The following TNC variants were observed in gnomAD, a reference collection of about 807,000 sequenced individuals.
TNC encodes the protein tenascin.
Under a neutral mutation model 202.4 loss-of-function variants are expected in TNC, and 109 were observed. The observed-to-expected ratio is 0.54, with a 90% CI of 0.46 to 0.63. The LOEUF (loss-of-function observed/expected upper bound fraction) is 0.63, where lower values mean the gene tolerates loss of function less well. Among genes scored for constraint, TNC ranks in the 30% least tolerant of loss-of-function variants. The pLI, the probability that TNC is intolerant of heterozygous loss-of-function variation, is 0.00. For missense variants in TNC, 2,756 were observed against 2,833.3 expected, an observed-to-expected ratio of 0.97 and a Z score of 0.62; for synonymous variants, 1,007 against 1,089.7, an observed-to-expected ratio of 0.92 and a Z score of 1.50.
rs762446121 is a variant in TNC, at chr9:115,087,047, C to G, written c.684G>C (p.Gln228His). 6 of 1,613,552 alleles carry G rather than the reference C, an allele frequency of 3.7e-6. No homozygotes were observed. Among genetic ancestry groups the G allele is most frequent in the Non-Finnish European group, 5.1e-6 (6 of 1,179,534 alleles). Residue 228 changes from glutamine (Q) to histidine (H), a missense_variant, in exon 3 of 28, where the codon CAG becomes CAC. Transcript: ENST00000350763. ...TGCAGACTCCATTTACGCACTTGCC[C>G]TGGTCATTGCAGTCGCTGGGGCAAG... ...QLACPSDCND[Q>H]GKCVNGVCIC...
intron 27 of TNC, 135 bp from the exon 28 acceptor site, chr9:115,021,402 G>C: frequency 1.6e-6 from 1 of 631,804 alleles, no homozygotes. Context: ...TTGACCATTT[G>C]GTATATCACA....
intron 10 of TNC, among the ~76,000 whole-genome samples, chr9:115,067,770 G>C (rs528884611): frequency 1.7e-4 from 26 of 150,940 alleles, no homozygotes; most frequent in African/African-American, 6.3e-4. Context: ...ATGTCATGTT[G>C]TTCAGTAAAT....
chr9:115,077,963 G>A lies in TNC; in HGVS notation c.2654C>T (p.Ala885Val). Residue 885 changes from alanine to valine, a missense_variant, in exon 7 of 28, where the codon GCC (alanine) becomes GTC (valine). Transcript: ENST00000350763. ...TTTACCTGTTGTGAAGGTCTCTTTG[G>A]CTGGGTTGCTTGACATGTCACCTCT... ...SRRGDMSSNP[A>V]KETFTTGLDA... 3 of 1,614,112 alleles carry A rather than the reference G, an allele frequency of 1.9e-6. No individual in the cohort carries two copies. Among genetic ancestry groups the A allele is most frequent in the Non-Finnish European group, 2.5e-6 (3 of 1,180,008 alleles).
intron 7 of TNC, among the ~76,000 whole-genome samples, chr9:115,077,392 C>T (rs1446518989): frequency 6.6e-6 from 1 of 152,090 alleles, no homozygotes; most frequent in African/African-American, 2.4e-5. Flanking sequence ...AGGGTTTTGC[C>T]ATGTTGGCCA....
Position 115,020,810 on chromosome 9 carries a change from G to T in TNC, c.*347C>A. 1 of 277,192 alleles carries T rather than the reference G, an allele frequency of 3.6e-6. No individual in the cohort carries two copies. Among genetic ancestry groups the T allele is most frequent in the Non-Finnish European group, 7.0e-6 (1 of 142,952 alleles). The allele number at this position is 277,192 out of a possible 1,614,324, so 17.2% of individuals were successfully genotyped here. ...AATTATACAGCTTCATGTAAAATAC[G>T]GCTGGTTCTAAAACAAACTACCCCT... On this transcript the variant is annotated 3_prime_UTR_variant, in exon 28 of 28. Coordinates refer to ENST00000350763, the MANE Select transcript of TNC (RefSeq NM_002160.4).
At chr9:115,040,835 G>A in intron 19 of TNC, 106 bp downstream of exon 19, 1 of 1,391,170 alleles carries the variant, frequency 7.2e-7, no homozygotes, top group Non-Finnish European at 9.6e-7. Flanking sequence ...TTTTCCAGCT[G>A]CTGAGTCATG....
intron 17 of TNC, among the ~76,000 whole-genome samples, chr9:115,043,263 C>T (rs892310390): frequency 6.6e-6 from 1 of 152,112 alleles, no homozygotes; most frequent in Non-Finnish European, 1.5e-5. Context: ...CACAGAAATT[C>T]AGCAAGGGTT....
chr9:115,090,585 C>A lies in TNC; in HGVS notation c.434G>T (p.Gly145Val), dbSNP rs141336913. Reference protein sequence around the residue: ...SLREQCTAGAGCCLQPATGRL... With the variant: ...SLREQCTAGAVCCLQPATGRL... ...ACCTGTGGCAGGCTGGAGACAGCAG[C>A]CTGCTCCTGCAGTACATTGCTCCCT... Residue 145 changes from glycine to valine, a missense_variant, in exon 2 of 28, where the codon GGC becomes GTC. Around this residue, in one of 2 missense-constraint regions of TNC, gnomAD observed 2,559 missense variants for 2,546.0 expected, o/e 1.01. Coordinates refer to ENST00000350763, the MANE Select transcript of TNC (RefSeq NM_002160.4). 3.5e-4 allele frequency: 550 copies of A among 1,581,202 alleles called. 1 individual carries two copies. The African/African-American group carries it at 6.4e-3, about 19-fold the overall frequency.
intron 17 of TNC, among the ~76,000 whole-genome samples, chr9:115,045,541 A>ATTTTTTTTT (rs61415443): frequency 6.4e-5 from 7 of 110,114 alleles, no homozygotes; most frequent in Non-Finnish European, 9.1e-5. Flanking sequence ...TAAGTTTTTG[A>ATTTTTTTTT]TTTTTTTTTT....
At position 115,040,901 on chromosome 9, in the gene TNC, A is replaced by G. The variant is rs757867552; in HGVS notation, c.5392+40T>C. Reference sequence around the variant, plus strand: ...AGGATGCACAAGTGACCTCTGAAAAATAGTAACACACACACACACACACAA... The same window carrying G: ...AGGATGCACAAGTGACCTCTGAAAAGTAGTAACACACACACACACACACAA... On this transcript the variant is annotated intron_variant, in intron 19 of 27. Coordinates refer to ENST00000350763, the MANE Select transcript of TNC (RefSeq NM_002160.4). The G allele has an allele frequency of 2.9e-6, 4 of 1,359,682 alleles. No individual in the cohort carries two copies. The South Asian group carries it at 4.2e-5, about 14-fold the overall frequency. 84.2% of individuals were successfully genotyped at this position (1,359,682 alleles called of 1,614,324 possible). A position where few individuals can be genotyped will look rare whatever the true frequency, so the allele number is the denominator to read the frequency against.
At position 115,035,696 on chromosome 9, in the gene TNC, C is replaced by G. The variant is rs1470130006; in HGVS notation, c.5657-362G>C. 2.3e-5 allele frequency: 6 copies of G among 260,330 alleles called. No homozygotes were observed. In the Admixed American group the frequency reaches 2.9e-4, roughly 13 times the overall value. The allele number at this position is 260,330 out of a possible 1,614,324, so 16.1% of individuals were successfully genotyped here. A position where few individuals can be genotyped will look rare whatever the true frequency, so the allele number is the denominator to read the frequency against. ...GATGGTTCCTCTGTTTCCCTGCTTG[C>G]TATAGTTTGTAAAAAGCTCTCAATG... On this transcript the variant is annotated intron_variant, in intron 21 of 27. Transcript: ENST00000350763.
intron 26 of TNC, among the ~76,000 whole-genome samples, chr9:115,026,260 G>C (rs561907745): frequency 1.1e-4 from 17 of 152,154 alleles, no homozygotes; most frequent in Admixed American, 9.2e-4. Flanking sequence ...TCTAAAACTG[G>C]GTAAGAAAGA....
At chr9:115,031,453 G>C in intron 23 of TNC, 100 bp downstream of exon 23, 2 of 1,302,010 alleles carry the variant, frequency 1.5e-6, no homozygotes, top group Non-Finnish European at 2.0e-6. Context: ...CTTTTCAGAG[G>C]TTTGTTTGAA....
chr9:115,024,660 C>T (rs1336639328), intron 26 of TNC, among the ~76,000 whole-genome samples: 1 of 152,196 alleles, frequency 6.6e-6, no homozygotes, highest in Non-Finnish European at 1.5e-5. Flanking sequence ...TTTTCTCCCA[C>T]ATACAAATAT....
In TNC at chr9:115,038,281, A is replaced by T; in HGVS notation, c.5492T>A (p.Ile1831Asn). The change falls in exon 20 of 28, where the codon ATC becomes AAC. Residue 1831 changes from isoleucine (I) to asparagine (N), a missense_variant. By Grantham distance (149) the Ile-to-Asn change is moderately radical (BLOSUM62 -3). Around this residue, in one of 2 missense-constraint regions of TNC, gnomAD observed 2,559 missense variants for 2,546.0 expected, o/e 1.01. Transcript: ENST00000350763. ...CTTACCTTTCTCGCCTGTGTAGGAGATGACATAACTGTCCACAGTGGCAAT... is the reference window on the plus strand; with the variant it reads ...CTTACCTTTCTCGCCTGTGTAGGAGTTGACATAACTGTCCACAGTGGCAAT... ...PAIATVDSYV[I>N]SYTGEKVPEI... 1 of 1,613,730 alleles carries T rather than the reference A, an allele frequency of 6.2e-7. No homozygotes were observed.
At chr9:115,082,015 CCT>C (rs1834344034) in intron 5 of TNC, 87 bp from the exon 6 acceptor site, 3 of 1,305,488 alleles carry the variant, frequency 2.3e-6, no homozygotes, top group Non-Finnish European at 3.1e-6. Context: ...TTCATTCATT[CCT>C]CTGTTATTCT....
In TNC at chr9:115,052,802, C is replaced by G. The variant is rs937211653; in HGVS notation, c.4580-4270G>C. The G allele has an allele frequency of 4.3e-6, 3 of 702,560 alleles. No individual in the cohort carries two copies. The African/African-American group carries it at 5.2e-5, about 12-fold the overall frequency. The allele number at this position is 702,560 out of a possible 1,614,324, so 43.5% of individuals were successfully genotyped here. Reference sequence around the variant, plus strand: ...CCCAGCCAAGGTGGTTCCTGCCACACTGACGTCATAGCCAGTGTTCTCCAC... The same window carrying G: ...CCCAGCCAAGGTGGTTCCTGCCACAGTGACGTCATAGCCAGTGTTCTCCAC... On this transcript the variant is annotated intron_variant, in intron 15 of 27. Transcript: ENST00000350763.
intron 1 of TNC, among the ~76,000 whole-genome samples, chr9:115,112,338 A>G (rs889991216): frequency 4.6e-5 from 7 of 152,224 alleles, no homozygotes; most frequent in African/African-American, 1.7e-4. Context: ...ATTTACAAAA[A>G]CATTCTGTTT....
Position 115,078,186 on chromosome 9 carries a change from C to T in TNC, c.2431G>A (p.Val811Met). The T allele has an allele frequency of 6.2e-7, 1 of 1,609,682 alleles. No individual in the cohort carries two copies. The highest frequency in any genetic ancestry group is 1.1e-5 in the South Asian group (1 of 90,900). Reference protein sequence around the residue: ...TRLDAPSQIEVKDVTDTTALI... With the variant: ...TRLDAPSQIEMKDVTDTTALI... ...GCAGTGGTGTCTGTGACATCTTTCA[C>T]CTCGATCTGGCTGGGGGCATCCAAG... The change falls in exon 7 of 28, where the codon GTG becomes ATG. Residue 811 changes from valine (V) to methionine (M), a missense_variant. Val to Met is a conservative substitution (Grantham distance 21). Around this residue, in one of 2 missense-constraint regions of TNC, gnomAD observed 2,559 missense variants for 2,546.0 expected, o/e 1.01. Transcript: ENST00000350763.
Sources: gnomAD v4.1 joint callset for allele counts (sites outside exome capture counted in the v4.1 genomes callset) on GRCh38, gnomAD v4.1.1 for gene constraint, gnomAD v4.1.1 regional missense constraint, MANE v1.5 for transcripts, NCBI Gene and HGNC (gene_info 2026-07-23, HGNC 2026-07-21) for gene names.